OXR1: variants seen among roughly 807,000 people sequenced by gnomAD.
OXR1 encodes oxidation resistance 1.
Under a neutral mutation model 104.6 loss-of-function variants are expected in OXR1, and 41 were observed. That is an observed-to-expected ratio of 0.39 (90% confidence interval 0.31 to 0.51). The LOEUF (loss-of-function observed/expected upper bound fraction) is 0.51, where lower values mean the gene tolerates loss of function less well. OXR1 is among the 20% of genes least tolerant of loss of function. The probability of loss-of-function intolerance (pLI) is 0.77; values close to 1 mark genes in which losing one functional copy is unlikely to be tolerated. For synonymous variants in OXR1, 348 were observed against 348.4 expected (o/e 1.00, Z 0.01); for missense variants, 955 against 1,031.9 (o/e 0.93, Z 1.02).
rs186190724 is a variant in OXR1, at chr8:106,702,202, C to T, written c.676-704C>T. On this transcript the variant is annotated intron_variant, in intron 7 of 16. Coordinates refer to ENST00000517566, the MANE Select transcript of OXR1 (RefSeq NM_001198533.2). ...CAGGAACTCCTGGCCTCAAGTGATC[C>T]ACCCACTTTGGCCTCCCAAAGTGCT... is the stretch of plus-strand genomic sequence containing the variant. Among the ~76,000 whole-genome samples, 258 of 152,268 alleles carry T rather than the reference C, an allele frequency of 1.7e-3. 1 individual carries two copies. Among genetic ancestry groups the T allele is most frequent in the African/African-American group, 6.1e-3 (253 of 41,550 alleles).
chr8:106,354,784 G>A (rs1305402293), intron 1 of OXR1, among the ~76,000 whole-genome samples: 2 of 152,114 alleles, frequency 1.3e-5, no homozygotes, highest in African/African-American at 2.4e-5. Flanking sequence ...TATAGAAGTA[G>A]TTTAGAAAAA....
chr8:106,660,117 G>T (rs1825610733), intron 3 of OXR1, among the ~76,000 whole-genome samples: 1 of 152,178 alleles, frequency 6.6e-6, no homozygotes, highest in African/African-American at 2.4e-5. Flanking sequence ...GTTGGATTTG[G>T]TGATTTCAAA....
chr8:106,500,220 T>C (rs537930499), intron 2 of OXR1, among the ~76,000 whole-genome samples: 7 of 152,358 alleles, frequency 4.6e-5, no homozygotes, highest in Admixed American at 4.6e-4. Flanking sequence ...TTATATTGTT[T>C]TATACTCAGT....
intron 3 of OXR1, among the ~76,000 whole-genome samples, chr8:106,636,851 C>T (rs1280520547): frequency 6.6e-6 from 1 of 152,178 alleles, no homozygotes; most frequent in Non-Finnish European, 1.5e-5. Context: ...CCCATGGTGA[C>T]AGGCTCCCTA....
chr8:106,423,796 T>C (rs1294779725), intron 2 of OXR1, among the ~76,000 whole-genome samples: 1 of 152,214 alleles, frequency 6.6e-6, no homozygotes, highest in Admixed American at 6.5e-5. Flanking sequence ...CTTATCCTCC[T>C]TCAGGAGCCT....
intron 2 of OXR1, among the ~76,000 whole-genome samples, chr8:106,491,096 C>T (rs1023543731): frequency 8.5e-5 from 13 of 152,292 alleles, no homozygotes; most frequent in African/African-American, 2.9e-4. Context: ...CTCGACGCTC[C>T]GCTCAATATG....
chr8:106,559,958 A>AT (rs1039673569), intron 3 of OXR1, among the ~76,000 whole-genome samples: 1 of 152,188 alleles, frequency 6.6e-6, no homozygotes, highest in South Asian at 2.1e-4. Context: ...AAAAACCTCC[A>AT]TTTTTTCAGA....
At chr8:106,320,672 C>A (rs1255569401) in intron 1 of OXR1, among the ~76,000 whole-genome samples, 2 of 128,952 alleles carry the variant, frequency 1.6e-5, no homozygotes, top group African/African-American at 4.0e-5. Flanking sequence ...TCTCATTCTT[C>A]TTTTTTTGGG....
chr8:106,424,789 A>T (rs1467881970), intron 2 of OXR1, among the ~76,000 whole-genome samples: 2 of 151,972 alleles, frequency 1.3e-5, no homozygotes, highest in Non-Finnish European at 2.9e-5. Context: ...ACTATAATTT[A>T]TTTTTTTAAT....
chr8:106,515,369 T>C (rs1812793469), intron 2 of OXR1, among the ~76,000 whole-genome samples: 1 of 152,146 alleles, frequency 6.6e-6, no homozygotes, highest in African/African-American at 2.4e-5. Context: ...CATTGGTATT[T>C]ACCATAGTCA....
intron 3 of OXR1, among the ~76,000 whole-genome samples, chr8:106,672,158 A>G (rs1007890011): frequency 6.6e-6 from 1 of 151,822 alleles, no homozygotes; most frequent in South Asian, 2.1e-4. Context: ...AGAGAAGTCT[A>G]AAAGAACAGG....
intron 11 of OXR1, among the ~76,000 whole-genome samples, chr8:106,727,321 A>C (rs531736401): frequency 6.6e-6 from 1 of 152,204 alleles, no homozygotes; most frequent in African/African-American, 2.4e-5. Flanking sequence ...AAGCAAAATA[A>C]ATTGTGGTTA....
At chr8:106,683,725 T>A (rs1828411708) in intron 5 of OXR1, among the ~76,000 whole-genome samples, 1 of 152,198 alleles carries the variant, frequency 6.6e-6, no homozygotes, top group Non-Finnish European at 1.5e-5. Flanking sequence ...TTAACTTTGA[T>A]TCTTGGAAAG....
At chr8:106,429,667 A>AG (rs2130559398) in intron 2 of OXR1, among the ~76,000 whole-genome samples, 1 of 152,132 alleles carries the variant, frequency 6.6e-6, no homozygotes, top group East Asian at 1.9e-4. Context: ...CTCAAAAAAA[A>AG]AAAAAAAAAT....
intron 2 of OXR1, among the ~76,000 whole-genome samples, chr8:106,399,123 AC>A (rs1817902238): frequency 1.3e-5 from 2 of 152,196 alleles, no homozygotes; most frequent in African/African-American, 4.8e-5. Context: ...AGTGGAAGTA[AC>A]TACCACTTAG....
chr8:106,524,383 G>T (rs980362081), intron 3 of OXR1, among the ~76,000 whole-genome samples: 1 of 152,188 alleles, frequency 6.6e-6, no homozygotes, highest in Non-Finnish European at 1.5e-5. Flanking sequence ...AGTTCTATGT[G>T]ATATTGATTC....
chr8:106,577,994 A>G (rs1446102318), intron 3 of OXR1, among the ~76,000 whole-genome samples: 1 of 152,328 alleles, frequency 6.6e-6, no homozygotes, highest in East Asian at 1.9e-4. Context: ...CAGAGACGCC[A>G]GCATTAGTTG....
intron 2 of OXR1, among the ~76,000 whole-genome samples, chr8:106,374,500 C>A (rs1297664952): frequency 2.6e-5 from 4 of 152,022 alleles, no homozygotes; most frequent in Non-Finnish European, 5.9e-5. Context: ...TAGGTTTGAG[C>A]CTTTGAATGT....
intron 2 of OXR1, 97 bp from the exon 3 acceptor site, chr8:106,518,846 G>A (rs1160239735): frequency 4.9e-6 from 4 of 812,642 alleles, no homozygotes; most frequent in South Asian, 2.1e-5. Flanking sequence ...CTATCTCAAG[G>A]TTAAATATAA....
Sources: gnomAD v4.1 joint callset for allele counts (sites outside exome capture counted in the v4.1 genomes callset) on GRCh38, gnomAD v4.1.1 for gene constraint, MANE v1.5 for transcripts, NCBI Gene and HGNC (gene_info 2026-07-23, HGNC 2026-07-21) for gene names.